BANP: variants seen among roughly 807,000 people sequenced by gnomAD.
BANP encodes protein BANP.
In BANP, 11 loss-of-function variants were observed where a neutral mutation model predicts 68.1. The observed-to-expected ratio is 0.16, with a 90% CI of 0.10 to 0.27. BANP has a LOEUF of 0.27. Among genes scored for constraint, BANP ranks in the 10% least tolerant of loss-of-function variants. The pLI, the probability that BANP is intolerant of heterozygous loss-of-function variation, is 1.00. For synonymous variants in BANP, 329 were observed against 303.2 expected, an observed-to-expected ratio of 1.09 and a Z score of -0.88; for missense variants, 504 against 722.7, an observed-to-expected ratio of 0.70 and a Z score of 3.47.
intron 6 of BANP, among the ~76,000 whole-genome samples, chr16:88,013,332 GC>G (rs1269158227): frequency 6.6e-5 from 10 of 152,380 alleles, no homozygotes; most frequent in Admixed American, 5.2e-4. Context: ...GGATTCAGGA[GC>G]CTGCCTGACA....
chr16:88,054,933 G>A (rs1173989584), intron 11 of BANP, among the ~76,000 whole-genome samples: 6 of 151,960 alleles, frequency 3.9e-5, no homozygotes, highest in African/African-American at 1.5e-4. Context: ...GTTCCTAGGG[G>A]GTATTATATC....
At chr16:88,040,307 C>T (rs1262254100) in intron 11 of BANP, among the ~76,000 whole-genome samples, 6 of 150,998 alleles carry the variant, frequency 4.0e-5, no homozygotes, top group Non-Finnish European at 8.8e-5. Flanking sequence ...TGCTGAGCTA[C>T]ACCCTGCTCA....
At chr16:87,989,195 A>C (rs547445940) in intron 4 of BANP, among the ~76,000 whole-genome samples, 1 of 152,354 alleles carries the variant, frequency 6.6e-6, no homozygotes, top group African/African-American at 2.4e-5. Context: ...CTCATCCAAC[A>C]GTCGTCATCG....
chr16:88,030,921 A>G (rs2078032543), intron 8 of BANP, among the ~76,000 whole-genome samples: 1 of 152,222 alleles, frequency 6.6e-6, no homozygotes. Context: ...GAGATTTCAC[A>G]AGGTTTGATA....
chr16:87,981,877 T>G (rs1352294926), intron 3 of BANP, among the ~76,000 whole-genome samples: 1 of 152,212 alleles, frequency 6.6e-6, no homozygotes, highest in African/African-American at 2.4e-5. Context: ...ATCTTTGAAT[T>G]TGCTTGGTTG....
chr16:87,971,184 A>T (rs11645705), intron 1 of BANP, among the ~76,000 whole-genome samples: 1 of 151,974 alleles, frequency 6.6e-6, no homozygotes, highest in African/African-American at 2.4e-5. Flanking sequence ...AAGTTGTTAC[A>T]TTTGTTTTTT....
chr16:88,025,306 G>A (rs1393178735), intron 7 of BANP, among the ~76,000 whole-genome samples: 1 of 152,212 alleles, frequency 6.6e-6, no homozygotes, highest in African/African-American at 2.4e-5. Flanking sequence ...GATTTTAATG[G>A]TTGGGTTCCC....
rs1567900021 is a variant in BANP at position 88,057,910 on chromosome 16, T to A, written c.1312-7357T>A. Among the ~76,000 whole-genome samples the A allele has an allele frequency of 1.3e-5, 2 of 152,126 alleles. No individual in the cohort carries two copies. Among genetic ancestry groups the A allele is most frequent in the Non-Finnish European group, 2.9e-5 (2 of 68,014 alleles). ...CGGTGCGGGGCAGCGAGTGGCCGCC[T>A]GTGTTCCGACAAGCCAGGCGCCGAG... On this transcript the variant is annotated intron_variant, in intron 11 of 13. Transcript: ENST00000682872. This position sits in a 1 kb window ranked among gnomAD's most constrained non-coding sequence, Gnocchi z 4.6.
intron 11 of BANP, among the ~76,000 whole-genome samples, chr16:88,046,991 G>A (rs538222045): frequency 2.0e-3 from 304 of 152,032 alleles, no homozygotes; most frequent in African/African-American, 6.9e-3. Context: ...GTGTGGACCC[G>A]GGAGGTGGAG....
At chr16:87,981,260 A>G in intron 3 of BANP, 133 bp downstream of exon 3, 1 of 700,098 alleles carries the variant, frequency 1.4e-6, no homozygotes, top group Admixed American at 2.2e-5. Context: ...CAAAATCAAG[A>G]TGCAGGCAGG....
chr16:88,054,340 A>AT (rs2084379388), intron 11 of BANP, among the ~76,000 whole-genome samples: 1 of 133,106 alleles, frequency 7.5e-6, no homozygotes, highest in Non-Finnish European at 1.8e-5. Flanking sequence ...CTCCATCATC[A>AT]CCACCAACAC....
At chr16:87,956,358 T>C (rs2144638685) in intron 1 of BANP, among the ~76,000 whole-genome samples, 1 of 152,302 alleles carries the variant, frequency 6.6e-6, no homozygotes, top group African/African-American at 2.4e-5. Flanking sequence ...TCCCTGTGCC[T>C]GAGGTAGATA....
chr16:88,037,556 G>T (rs960299635), intron 10 of BANP: 8 of 180,518 alleles, frequency 4.4e-5, no homozygotes, highest in Non-Finnish European at 9.3e-5. Flanking sequence ...GGTTCCTTGC[G>T]TGCAGCCCGT....
chr16:87,968,185 C>T (rs796761349), intron 1 of BANP, among the ~76,000 whole-genome samples: 1 of 151,732 alleles, frequency 6.6e-6, no homozygotes, highest in South Asian at 2.1e-4. Context: ...CTACTGGTTT[C>T]ATTAGGAAAT....
chr16:87,975,258 T>C (rs2061803362), intron 2 of BANP, 73 bp downstream of exon 2: 1 of 1,461,282 alleles, frequency 6.8e-7, no homozygotes, highest in Non-Finnish European at 9.5e-7. Flanking sequence ...GCTCCAGTTA[T>C]TTTCTTTCCT....
chr16:88,014,671 C>G (rs939051553), intron 6 of BANP, among the ~76,000 whole-genome samples: 8 of 151,924 alleles, frequency 5.3e-5, no homozygotes, highest in African/African-American at 1.7e-4. Context: ...CCCTGCCCAC[C>G]GTCCCCACAC....
At chr16:87,980,313 G>T (rs1271005748) in intron 2 of BANP, among the ~76,000 whole-genome samples, 1 of 152,222 alleles carries the variant, frequency 6.6e-6, no homozygotes, top group Non-Finnish European at 1.5e-5. Flanking sequence ...GATTTGCAGA[G>T]ATGAGGCAAT....
intron 6 of BANP, among the ~76,000 whole-genome samples, chr16:88,010,824 G>A (rs528531090): frequency 6.0e-5 from 9 of 149,332 alleles, no homozygotes; most frequent in Admixed American, 2.7e-4. Flanking sequence ...ATTCGTGCAC[G>A]TGGAAAGGAG....
chr16:88,067,252 GGGGGTC>G (rs1365453154), intron 12 of BANP, among the ~76,000 whole-genome samples: 1 of 152,166 alleles, frequency 6.6e-6, no homozygotes, highest in African/African-American at 2.4e-5. Context: ...ATGGGGCTGA[GGGGGTC>G]AGAGCCGCTG....
Sources: gnomAD v4.1 joint callset for allele counts (sites outside exome capture counted in the v4.1 genomes callset) on GRCh38, gnomAD v4.1.1 for gene constraint, Gnocchi (gnomAD v3.1) non-coding constraint, MANE v1.5 for transcripts, NCBI Gene and HGNC (gene_info 2026-07-23, HGNC 2026-07-21) for gene names.